The following EVI5 variants were observed in gnomAD, a reference collection of about 807,000 sequenced individuals.
The protein encoded by EVI5 is ecotropic viral integration site 5.
EVI5 carries 73 observed loss-of-function variants against 112.0 expected under a neutral mutation model. That is an observed-to-expected ratio of 0.65 (90% CI 0.54 to 0.79). EVI5 has a LOEUF of 0.79. EVI5 is among the 30% of genes least tolerant of loss of function. The pLI is 0.00. For missense variants in EVI5, 900 were observed against 968.8 expected (o/e 0.93, Z 0.94); for synonymous variants, 305 against 319.9 (o/e 0.95, Z 0.50).
At chr1:92,551,461 T>A (rs1435382286) in intron 19 of EVI5, among the ~76,000 whole-genome samples, 4 of 152,026 alleles carry the variant, frequency 2.6e-5, no homozygotes, top group South Asian at 2.1e-4. Flanking sequence ...TGGAAAAAAA[T>A]TTAAAAATGA....
chr1:92,531,609 C>A (rs1662876916), intron 19 of EVI5, among the ~76,000 whole-genome samples: 1 of 152,166 alleles, frequency 6.6e-6, no homozygotes, highest in African/African-American at 2.4e-5. Context: ...ATCCTACAAA[C>A]CAGAAGAGAT....
At chr1:92,718,083 C>A (rs190158898) in intron 2 of EVI5, among the ~76,000 whole-genome samples, 2 of 152,294 alleles carry the variant, frequency 1.3e-5, no homozygotes, top group Admixed American at 1.3e-4. Flanking sequence ...GACTCCCACA[C>A]AATAATAACA....
rs190789202 is a variant in EVI5, at chr1:92,694,892, T to G, written c.909+418A>C. On this transcript the variant is annotated intron_variant, in intron 7 of 19. Transcript: ENST00000684568. ...GTGTTCATAGAAGAAACATGCTTAT[T>G]ACTTCTTACTCTTTGGATGACAGAT... 8.5e-5 allele frequency among the ~76,000 whole-genome samples: 13 copies of G among 152,354 alleles called. No homozygotes were observed. In the East Asian group the frequency reaches 2.5e-3, roughly 29 times the overall value.
intron 1 of EVI5, chr1:92,784,280 T>G (rs1024316060): frequency 1.0e-6 from 1 of 984,650 alleles, no homozygotes; most frequent in Non-Finnish European, 1.2e-6. Flanking sequence ...AATTTGAGGC[T>G]TGCCCCACTA....
chr1:92,671,914 T>C (rs1665943164), intron 10 of EVI5, among the ~76,000 whole-genome samples: 1 of 151,382 alleles, frequency 6.6e-6, no homozygotes, highest in African/African-American at 2.4e-5. Context: ...GTGATCCTCC[T>C]TCCTCCGCCT....
At chr1:92,706,363 CAT>C (rs761991798) in intron 2 of EVI5, among the ~76,000 whole-genome samples, 10 of 152,148 alleles carry the variant, frequency 6.6e-5, no homozygotes, top group African/African-American at 1.4e-4. Flanking sequence ...TAATTTTCCA[CAT>C]GATTCTAAAC....
chr1:92,522,018 A>T (rs4375281), intron 19 of EVI5, among the ~76,000 whole-genome samples: 1 of 152,242 alleles, frequency 6.6e-6, no homozygotes, highest in East Asian at 1.9e-4. Context: ...TGGTCATTAC[A>T]CATGTTGTTT....
At chr1:92,648,831 C>T (rs1045700522) in intron 13 of EVI5, among the ~76,000 whole-genome samples, 1 of 152,196 alleles carries the variant, frequency 6.6e-6, no homozygotes, top group Non-Finnish European at 1.5e-5. Context: ...CTGCTACAAA[C>T]GTGTATACAC....
chr1:92,647,909 T>A (rs1661270879), intron 13 of EVI5, among the ~76,000 whole-genome samples: 2 of 151,800 alleles, frequency 1.3e-5, no homozygotes, highest in Admixed American at 1.3e-4. Context: ...CATGCCCAGC[T>A]AAATTTTGTA....
intron 2 of EVI5, among the ~76,000 whole-genome samples, chr1:92,718,809 A>G (rs1315480255): frequency 1.3e-5 from 2 of 152,212 alleles, no homozygotes; most frequent in Non-Finnish European, 2.9e-5. Flanking sequence ...AAGATTAATA[A>G]AGAAGAAAAG....
At chr1:92,731,391 T>C (rs1473278897) in intron 2 of EVI5, among the ~76,000 whole-genome samples, 4 of 152,190 alleles carry the variant, frequency 2.6e-5, no homozygotes, top group Admixed American at 1.3e-4. Context: ...TAGTTCTATA[T>C]GCCAGCAATG....
At position 92,782,410 on chromosome 1, in the gene EVI5, T is replaced by C. The variant is rs1285908578; in HGVS notation, c.-82+2426A>G. Reference sequence around the variant, plus strand: ...TCCTAGAAAGGACTCATATCCAGAATAAAGCATTATAAATGAGAGAAAAAT... The same window carrying C: ...TCCTAGAAAGGACTCATATCCAGAACAAAGCATTATAAATGAGAGAAAAAT... On this transcript the variant is annotated intron_variant, in intron 1 of 19. Coordinates refer to ENST00000684568, the MANE Select transcript of EVI5 (RefSeq NM_001350197.2). Among the ~76,000 whole-genome samples the C allele has an allele frequency of 5.9e-5, 9 of 151,616 alleles. No individual in the cohort carries two copies. In the East Asian group the frequency reaches 1.7e-3, roughly 29 times the overall value.
At chr1:92,606,044 A>G (rs1023746922) in intron 17 of EVI5, among the ~76,000 whole-genome samples, 2 of 152,226 alleles carry the variant, frequency 1.3e-5, no homozygotes, top group Admixed American at 6.5e-5. Flanking sequence ...CTGCAAAGGC[A>G]TCACGAAAGA....
chr1:92,663,500 G>A (rs1246081160), intron 11 of EVI5, 48 bp from the exon 12 acceptor site: 2 of 972,734 alleles, frequency 2.1e-6, no homozygotes, highest in Non-Finnish European at 2.9e-6. Context: ...AGAAATAAAA[G>A]TGATAAAATT....
chr1:92,585,704 T>C (rs576716205), intron 18 of EVI5, among the ~76,000 whole-genome samples: 15 of 152,296 alleles, frequency 9.8e-5, no homozygotes, highest in South Asian at 2.1e-4. Flanking sequence ...ATTGAGAAGA[T>C]AGAGAGTTCC....
chr1:92,748,939 A>G (rs1276267491), intron 1 of EVI5, among the ~76,000 whole-genome samples: 1 of 151,828 alleles, frequency 6.6e-6, no homozygotes, highest in African/African-American at 2.4e-5. Flanking sequence ...GGTGGCGTAT[A>G]TGTGTAATCC....
chr1:92,636,684 G>C (rs1056265531), intron 13 of EVI5, among the ~76,000 whole-genome samples: 4 of 152,134 alleles, frequency 2.6e-5, no homozygotes, highest in African/African-American at 9.7e-5. Flanking sequence ...CAATAAATAG[G>C]ATAGCAATTA....
intron 19 of EVI5, among the ~76,000 whole-genome samples, chr1:92,522,591 A>G (rs1379753684): frequency 7.1e-6 from 1 of 140,362 alleles, no homozygotes; most frequent in Non-Finnish European, 1.5e-5. Flanking sequence ...AGATCACGCC[A>G]CAGCACTCCA....
chr1:92,734,478 C>CT (rs35172325), intron 2 of EVI5, among the ~76,000 whole-genome samples: 1 of 150,934 alleles, frequency 6.6e-6, no homozygotes. Flanking sequence ...TCTTTTTCTT[C>CT]TTTTTTTTTT....
Sources: allele counts gnomAD v4.1 joint callset (sites outside exome capture counted in the v4.1 genomes callset), GRCh38; gene constraint gnomAD v4.1.1; transcripts MANE v1.5; gene names NCBI Gene and HGNC (gene_info 2026-07-23, HGNC 2026-07-21).